The following SLIT3 variants were observed in gnomAD, a reference collection of about 807,000 sequenced individuals.
SLIT3 encodes the protein slit guidance ligand 3.
SLIT3 carries 68 observed loss-of-function variants against 184.0 expected under a neutral mutation model. The ratio of observed to expected loss-of-function variants is 0.37; its 90% CI spans 0.30 to 0.45. The LOEUF is 0.45. Among genes scored for constraint, SLIT3 ranks in the 20% least tolerant of loss-of-function variants. SLIT3 has a pLI of 1.00. For synonymous variants in SLIT3, 831 were observed against 828.6 expected (o/e 1.00, Z -0.05); for missense variants, 1,707 against 2,026.0 (o/e 0.84, Z 3.02).
At chr5:168,770,703 C>T (rs1755519029) in intron 14 of SLIT3, among the ~76,000 whole-genome samples, 1 of 151,930 alleles carries the variant, frequency 6.6e-6, no homozygotes, top group South Asian at 2.1e-4. Context: ...AAGAACCTGG[C>T]TCCTTCTCCC....
At chr5:168,869,386 T>C in intron 5 of SLIT3, among the ~76,000 whole-genome samples, 1 of 152,212 alleles carries the variant, frequency 6.6e-6, no homozygotes, top group East Asian at 1.9e-4. Context: ...TTATCATCTG[T>C]AAACTGGTGA....
intron 4 of SLIT3, among the ~76,000 whole-genome samples, chr5:169,057,692 C>T (rs776785550): frequency 6.6e-6 from 1 of 152,156 alleles, no homozygotes; most frequent in Non-Finnish European, 1.5e-5. Flanking sequence ...TGACTCCCCA[C>T]GGTGCCAGAA....
chr5:168,762,499 G>T, intron 15 of SLIT3, 40 bp downstream of exon 15: 2 of 1,596,338 alleles, frequency 1.3e-6, no homozygotes, highest in Non-Finnish European at 1.7e-6. Context: ...TGACTGGCGT[G>T]TGGGGAGGAG....
At chr5:169,068,756 C>T (rs34789779) in intron 4 of SLIT3, among the ~76,000 whole-genome samples, 6,115 of 152,086 alleles carry the variant, frequency 0.04, 167 homozygotes, top group Middle Eastern at 0.082. Context: ...CAACACAACC[C>T]ACCCAGCTGG....
chr5:168,999,843 GGAAGACCCATGCAAAA>G (rs1755641844), intron 4 of SLIT3, among the ~76,000 whole-genome samples: 1 of 152,162 alleles, frequency 6.6e-6, no homozygotes, highest in African/African-American at 2.4e-5. Flanking sequence ...CTTTTGCACG[GGAAGACCCATGCAAAA>G]GTGGACCTGC....
At chr5:168,907,973 T>TAGAG (rs1360826933) in intron 4 of SLIT3, among the ~76,000 whole-genome samples, 199 of 66,752 alleles carry the variant, frequency 3.0e-3, no homozygotes, top group Middle Eastern at 0.011. Flanking sequence ...TATATATATA[T>TAGAG]ATATATAGAG....
chr5:169,124,900 C>T (rs1761020337), intron 4 of SLIT3, among the ~76,000 whole-genome samples: 1 of 152,088 alleles, frequency 6.6e-6, no homozygotes, highest in South Asian at 2.1e-4. Flanking sequence ...TTTCAAGCAT[C>T]CCCTTGTAAC....
At chr5:168,749,315 T>C (rs1754613612) in intron 19 of SLIT3, among the ~76,000 whole-genome samples, 157 bp downstream of exon 19, 1 of 152,258 alleles carries the variant, frequency 6.6e-6, no homozygotes, top group African/African-American at 2.4e-5. Flanking sequence ...AGGAGCCATG[T>C]GGGCTAGTAG....
intron 9 of SLIT3, among the ~76,000 whole-genome samples, chr5:168,800,510 C>T (rs1233088738): frequency 6.6e-6 from 1 of 152,132 alleles, no homozygotes; most frequent in African/African-American, 2.4e-5. Flanking sequence ...TCACTTGAAC[C>T]TGGGAGGCGG....
intron 4 of SLIT3, among the ~76,000 whole-genome samples, chr5:168,983,576 C>T (rs951560904): frequency 6.6e-6 from 1 of 152,158 alleles, no homozygotes; most frequent in African/African-American, 2.4e-5. Context: ...AAGCTGTGAG[C>T]CCCGAGCAAA....
chr5:169,233,995 T>A (rs975024656), intron 3 of SLIT3, among the ~76,000 whole-genome samples: 1 of 152,258 alleles, frequency 6.6e-6, no homozygotes, highest in Non-Finnish European at 1.5e-5. Flanking sequence ...ATTCTTAATA[T>A]GTAAAATGCT....
In SLIT3 at chr5:168,664,517, CTTCCTTCCTTCTTCCAGTTGCCTCGTT is replaced by C. The variant is rs1429652334; in HGVS notation, c.*1910_*1936del. ...ATCCCCTCCATCCCTTCCTTCTTTC[CTTCCTTCCTTCTTCCAGTTGCCTCGTT>C]TTCCTCCATCTTCCTTTCTTTTCTT... On this transcript the variant is annotated 3_prime_UTR_variant, in exon 36 of 36. Coordinates refer to ENST00000519560, the MANE Select transcript of SLIT3 (RefSeq NM_003062.4). 5.8e-5 allele frequency: 1 copy of C among 17,274 alleles called. No homozygotes were observed. The highest frequency in any genetic ancestry group is 6.3e-4 in the African/African-American group (1 of 1,582). The allele number at this position is 17,274 out of a possible 1,614,324, so 1.1% of individuals were successfully genotyped here.
At chr5:169,239,715 T>G (rs1765328746) in intron 3 of SLIT3, among the ~76,000 whole-genome samples, 1 of 152,054 alleles carries the variant, frequency 6.6e-6, no homozygotes, top group African/African-American at 2.4e-5. Flanking sequence ...CTTCAAGAAT[T>G]AGTTTGGCTT....
At chr5:169,161,314 A>G (rs1248482411) in intron 4 of SLIT3, among the ~76,000 whole-genome samples, 1 of 152,174 alleles carries the variant, frequency 6.6e-6, no homozygotes, top group Non-Finnish European at 1.5e-5. Context: ...CTGCCCTCTC[A>G]GCTTCAGTTA....
At chr5:169,104,486 A>G (rs1038244741) in intron 4 of SLIT3, among the ~76,000 whole-genome samples, 12 of 152,190 alleles carry the variant, frequency 7.9e-5, no homozygotes, top group Non-Finnish European at 1.0e-4. Context: ...CTAACAGCCA[A>G]TTTCACACAG....
chr5:168,951,475 G>C (rs1406055564), intron 4 of SLIT3, among the ~76,000 whole-genome samples: 1 of 152,084 alleles, frequency 6.6e-6, no homozygotes, highest in Non-Finnish European at 1.5e-5. Context: ...CATTCTGCAA[G>C]AGACTAGCAC....
At chr5:168,670,520 C>G (rs1318314216) in intron 34 of SLIT3, among the ~76,000 whole-genome samples, 1 of 152,176 alleles carries the variant, frequency 6.6e-6, no homozygotes, top group African/African-American at 2.4e-5. Context: ...CATGATGCAC[C>G]ACTGCCCCTA....
chr5:168,902,765 G>A (rs191849606), intron 4 of SLIT3, among the ~76,000 whole-genome samples: 2 of 152,342 alleles, frequency 1.3e-5, no homozygotes, highest in East Asian at 3.9e-4. Flanking sequence ...AGCTTGCTGG[G>A]CAGAGGGGAC....
intron 4 of SLIT3, among the ~76,000 whole-genome samples, chr5:168,899,521 A>G (rs1760795005): frequency 6.6e-6 from 1 of 152,200 alleles, no homozygotes. Context: ...CTCTTAAAAA[A>G]AAGCCCACAA....
Sources: gnomAD v4.1 joint callset for allele counts (sites outside exome capture counted in the v4.1 genomes callset) on GRCh38, gnomAD v4.1.1 for gene constraint, MANE v1.5 for transcripts, NCBI Gene and HGNC (gene_info 2026-07-23, HGNC 2026-07-21) for gene names.